METAP1D: variants seen among roughly 807,000 people sequenced by gnomAD.
METAP1D encodes methionine aminopeptidase 1D, mitochondrial.
In METAP1D, 31 loss-of-function variants were observed where a neutral mutation model predicts 40.5. The ratio of observed to expected loss-of-function variants is 0.77; its 90% CI spans 0.58 to 1.03. The LOEUF (loss-of-function observed/expected upper bound fraction) is 1.03. METAP1D is among the 50% of genes least tolerant of loss of function. The pLI, the probability that METAP1D is intolerant of heterozygous loss-of-function variation, is 0.00. For missense variants in METAP1D, 411 were observed against 420.7 expected (o/e 0.98, Z 0.20); for synonymous variants, 151 against 146.4 (o/e 1.03, Z -0.22).
chr2:172,036,640 C>G (rs990497561), intron 1 of METAP1D, among the ~76,000 whole-genome samples: 1 of 151,976 alleles, frequency 6.6e-6, no homozygotes, highest in South Asian at 2.1e-4. Context: ...ACCGAGATTA[C>G]AGGCGTGAGC....
chr2:172,037,247 A>G (rs1038783791), intron 1 of METAP1D, among the ~76,000 whole-genome samples: 1 of 144,322 alleles, frequency 6.9e-6, no homozygotes, highest in Non-Finnish European at 1.5e-5. Flanking sequence ...GGGCAACAAG[A>G]GGGAAACTCC....
chr2:172,030,086 A>ATTTTT (rs1393970013), intron 1 of METAP1D, among the ~76,000 whole-genome samples: 1 of 143,330 alleles, frequency 7.0e-6, no homozygotes. Flanking sequence ...TATTTTATTT[A>ATTTTT]TTTATTTATT....
intron 2 of METAP1D, 24 bp from the exon 3 acceptor site, chr2:172,063,687 C>T (rs766635526): frequency 1.9e-6 from 3 of 1,581,308 alleles, no homozygotes; most frequent in Admixed American, 1.7e-5. Context: ...TTCTGATCTT[C>T]GTTTTCAATC....
chr2:172,033,678 A>AT (rs1405948274), intron 1 of METAP1D, among the ~76,000 whole-genome samples: 15 of 152,246 alleles, frequency 9.9e-5, no homozygotes, highest in African/African-American at 3.6e-4. Flanking sequence ...TTAAAAAAGA[A>AT]TATATGACAA....
intron 1 of METAP1D, among the ~76,000 whole-genome samples, chr2:172,050,036 T>C (rs1218383693): frequency 6.6e-6 from 1 of 152,210 alleles, no homozygotes; most frequent in Non-Finnish European, 1.5e-5. Flanking sequence ...TTGTTTTTTG[T>C]CTTATTTGTT....
rs2105509057 is a variant in METAP1D, at chr2:172,080,582, G to T, written c.*176G>T. ...GAAGAGCAACTGGGAACTCGGATCT[G>T]AAGCCCTGCTGGGGTCGCGCGGCTT... On this transcript the variant is annotated 3_prime_UTR_variant, in exon 10 of 10. Transcript: ENST00000315796. The T allele has an allele frequency of 3.0e-6, 2 of 670,920 alleles. No individual in the cohort carries two copies. The highest frequency in any genetic ancestry group is 3.7e-5 in the South Asian group (2 of 54,232). 41.6% of individuals were successfully genotyped at this position (670,920 alleles called of 1,614,324 possible). A position where few individuals can be genotyped will look rare whatever the true frequency, so the allele number is the denominator to read the frequency against.
intron 1 of METAP1D, among the ~76,000 whole-genome samples, chr2:172,007,371 G>C (rs1688612227): frequency 6.6e-6 from 1 of 152,054 alleles, no homozygotes; most frequent in Non-Finnish European, 1.5e-5. Context: ...TGGCATGACA[G>C]ATAATATCTT....
At chr2:172,003,449 T>C (rs1168321117) in intron 1 of METAP1D, among the ~76,000 whole-genome samples, 1 of 152,202 alleles carries the variant, frequency 6.6e-6, no homozygotes, top group African/African-American at 2.4e-5. Flanking sequence ...AATCCCCATG[T>C]GTCAAGGGCA....
intron 2 of METAP1D, among the ~76,000 whole-genome samples, chr2:172,062,357 T>C (rs1210896623): frequency 6.6e-6 from 1 of 152,218 alleles, no homozygotes; most frequent in Non-Finnish European, 1.5e-5. Flanking sequence ...TGGCCCACTT[T>C]TATGGCAAAG....
At chr2:172,000,267 G>A (rs561436447) in intron 1 of METAP1D, among the ~76,000 whole-genome samples, 11 of 152,338 alleles carry the variant, frequency 7.2e-5, no homozygotes, top group African/African-American at 2.6e-4. Flanking sequence ...TGAGATTTGC[G>A]GGCCATTGTC....
intron 5 of METAP1D, among the ~76,000 whole-genome samples, chr2:172,068,943 G>A (rs751918648): frequency 1.3e-5 from 2 of 150,612 alleles, no homozygotes; most frequent in African/African-American, 4.9e-5. Context: ...TTCAGATATA[G>A]GGTCTTGCTC....
intron 1 of METAP1D, among the ~76,000 whole-genome samples, chr2:172,036,655 G>A (rs576651383): frequency 3.9e-5 from 6 of 151,916 alleles, no homozygotes; most frequent in South Asian, 2.1e-4. Context: ...GTGAGCCACC[G>A]CACCCGGCCC....
intron 1 of METAP1D, among the ~76,000 whole-genome samples, chr2:172,002,617 T>C (rs904512762): frequency 1.3e-5 from 2 of 152,126 alleles, no homozygotes; most frequent in African/African-American, 4.8e-5. Flanking sequence ...GGAAGCTATT[T>C]TAATGATGGA....
intron 9 of METAP1D, 34 bp downstream of exon 9, chr2:172,080,240 T>C (rs1436201271): frequency 1.2e-6 from 2 of 1,613,930 alleles, no homozygotes; most frequent in South Asian, 1.1e-5. Context: ...TTTTAAATTG[T>C]ATGGGAAAGG....
At chr2:172,005,540 A>C (rs1263326099) in intron 1 of METAP1D, among the ~76,000 whole-genome samples, 9 of 116,600 alleles carry the variant, frequency 7.7e-5, no homozygotes, top group Admixed American at 3.5e-4. Context: ...ATATATATAT[A>C]TATATCTTTT....
At position 172,041,729 on chromosome 2, in the gene METAP1D, TATA is replaced by T. The variant is rs1689534209; in HGVS notation, c.41-19768_41-19766del. The stretch of plus-strand genomic sequence containing the variant: ...TAATTTCCTTACTCTAATTATTTTA[TATA>T]TATATATATATATATATATATATAT... On this transcript the variant is annotated intron_variant, in intron 1 of 9. Coordinates refer to ENST00000315796, the MANE Select transcript of METAP1D (RefSeq NM_199227.3). 3.3e-4 allele frequency among the ~76,000 whole-genome samples: 6 copies of T among 17,912 alleles called. No homozygotes were observed. In the East Asian group the frequency reaches 0.025, roughly 74 times the overall value. 11.8% of individuals were successfully genotyped at this position (17,912 alleles called of 152,430 possible).
chr2:172,014,088 G>T (rs1436129015), intron 1 of METAP1D, among the ~76,000 whole-genome samples: 1 of 150,810 alleles, frequency 6.6e-6, no homozygotes, highest in African/African-American at 2.4e-5. Context: ...CTCTGAAAGT[G>T]CTGGGATTAC....
chr2:172,080,110 A>C lies in METAP1D; in HGVS notation c.851-18A>C. ...GAATCTGATGAGGTCACTGCAGTAA[A>C]TATTTTTCCTCTTACAGAGCCAATC... On this transcript the variant is annotated intron_variant, in intron 8 of 9. Coordinates refer to ENST00000315796, the MANE Select transcript of METAP1D (RefSeq NM_199227.3). 1.2e-6 allele frequency: 2 copies of C among 1,606,156 alleles called. No individual in the cohort carries two copies. Among genetic ancestry groups the C allele is most frequent in the Non-Finnish European group, 1.7e-6 (2 of 1,173,726 alleles).
chr2:172,045,817 GTGTATATATATATA>G (rs1392103851), intron 1 of METAP1D, among the ~76,000 whole-genome samples: 19 of 16,346 alleles, frequency 1.2e-3, no homozygotes, highest in African/African-American at 3.9e-3. Context: ...GTGTGTGTGT[GTGTATATATATATA>G]TATATATATA....
Sources: allele counts gnomAD v4.1 joint callset (sites outside exome capture counted in the v4.1 genomes callset), GRCh38; gene constraint gnomAD v4.1.1; transcripts MANE v1.5; gene names NCBI Gene and HGNC (gene_info 2026-07-23, HGNC 2026-07-21).